The following CDH11 variants were observed in gnomAD, a reference collection of about 807,000 sequenced individuals.
The protein encoded by CDH11 is cadherin-11.
Under a neutral mutation model 67.8 loss-of-function variants are expected in CDH11, and 11 were observed. The observed-to-expected ratio is 0.16, with a 90% CI of 0.10 to 0.27. The LOEUF is 0.27. CDH11 is among the 10% of genes least tolerant of loss of function. The probability of loss-of-function intolerance (pLI) is 1.00; values close to 1 mark genes in which losing one functional copy is unlikely to be tolerated. For missense variants in CDH11, 847 were observed against 1,031.2 expected (o/e 0.82, Z 2.45); for synonymous variants, 419 against 400.0 (o/e 1.05, Z -0.57).
intron 1 of CDH11, 112 bp from the exon 2 acceptor site, chr16:65,054,040 C>A: frequency 5.3e-6 from 2 of 377,238 alleles, no homozygotes; most frequent in South Asian, 2.0e-5. Context: ...AGATGACAAT[C>A]CAGGTGTGCA....
At chr16:64,992,086 C>G in intron 5 of CDH11, 151 bp from the exon 6 acceptor site, 1 of 515,936 alleles carries the variant, frequency 1.9e-6, no homozygotes. Context: ...CAAAGGCAGC[C>G]ATACTGAAGC....
intron 2 of CDH11, among the ~76,000 whole-genome samples, chr16:65,043,024 T>C (rs944885968): frequency 1.3e-5 from 2 of 152,166 alleles, no homozygotes; most frequent in African/African-American, 2.4e-5. Flanking sequence ...TGCTACTCCA[T>C]GTAAATGCTG....
At chr16:65,115,113 T>C (rs752637251) in intron 1 of CDH11, among the ~76,000 whole-genome samples, 114 of 152,150 alleles carry the variant, frequency 7.5e-4, no homozygotes, top group Non-Finnish European at 1.1e-3. Flanking sequence ...CAATATGGCA[T>C]GCTTAGCAAA....
At chr16:64,990,988 G>A (rs925075620) in intron 6 of CDH11, among the ~76,000 whole-genome samples, 1 of 152,096 alleles carries the variant, frequency 6.6e-6, no homozygotes, top group African/African-American at 2.4e-5. Context: ...GACTTTGACA[G>A]GTCTTCCATT....
chr16:65,121,767 C>G lies in CDH11; in HGVS notation c.-298+113G>C. 1 of 697,464 alleles carries G rather than the reference C, an allele frequency of 1.4e-6. No individual in the cohort carries two copies. Among genetic ancestry groups the G allele is most frequent in the Admixed American group, 2.0e-5 (1 of 49,664 alleles). The allele number at this position is 697,464 out of a possible 1,614,324, so 43.2% of individuals were successfully genotyped here. A position where few individuals can be genotyped will look rare whatever the true frequency, so the allele number is the denominator to read the frequency against. ...TGAAGCCTTCTCGACTCAGATACCA[C>G]CGTCCCCCTCACCACCCCGCCCCGC... is the stretch of plus-strand genomic sequence containing the variant. On this transcript the variant is annotated intron_variant, in intron 1 of 12. Transcript: ENST00000268603. This position sits in a 1 kb window ranked among gnomAD's most constrained non-coding sequence, Gnocchi z 4.1.
intron 2 of CDH11, among the ~76,000 whole-genome samples, chr16:65,044,592 C>A (rs574560049): frequency 1.3e-5 from 2 of 151,966 alleles, no homozygotes; most frequent in Admixed American, 6.6e-5. Flanking sequence ...GTCTAGGAGC[C>A]CCTGCTGGAG....
chr16:65,010,285 T>A (rs1208712782), intron 2 of CDH11, among the ~76,000 whole-genome samples: 11 of 152,192 alleles, frequency 7.2e-5, no homozygotes, highest in Admixed American at 7.2e-4. Context: ...CAAACACAGC[T>A]TTGTAACCAA....
chr16:64,946,575 CA>C lies in CDH11; in HGVS notation c.*1027del. ...CCAGGAGGTTAACACCAAGAATGTA[CA>C]AAAAAGCTTTACATGATGTTACAGA... On this transcript the variant is annotated 3_prime_UTR_variant, in exon 13 of 13. Coordinates refer to ENST00000268603, the MANE Select transcript of CDH11 (RefSeq NM_001797.4). 3 of 1,033,618 alleles carry C rather than the reference CA, an allele frequency of 2.9e-6. No individual in the cohort carries two copies. Among genetic ancestry groups the C allele is most frequent in the Non-Finnish European group, 3.5e-6 (3 of 859,214 alleles). 64.0% of individuals were successfully genotyped at this position (1,033,618 alleles called of 1,614,324 possible). A position where few individuals can be genotyped will look rare whatever the true frequency, so the allele number is the denominator to read the frequency against.
intron 1 of CDH11, 84 bp from the exon 2 acceptor site, chr16:65,054,012 A>G (rs2074101507): frequency 2.4e-6 from 1 of 413,506 alleles, no homozygotes; most frequent in Non-Finnish European, 5.0e-6. Flanking sequence ...GTTGCATATG[A>G]CAGACTTTTC....
chr16:65,122,312 C>T (rs569886014), upstream of CDH11: 447 of 307,596 alleles, frequency 1.5e-3, 14 homozygotes, highest in South Asian at 0.012. Context: ...TCGTGGCCGC[C>T]CCTCCCGCCC....
Position 64,946,039 on chromosome 16 carries a change from G to A in CDH11, c.*1564C>T. 1 of 1,058,936 alleles carries A rather than the reference G, an allele frequency of 9.4e-7. No individual in the cohort carries two copies. Among genetic ancestry groups the A allele is most frequent in the East Asian group, 5.2e-5 (1 of 19,300 alleles). The allele number at this position is 1,058,936 out of a possible 1,614,324, so 65.6% of individuals were successfully genotyped here. On this transcript the variant is annotated 3_prime_UTR_variant, in exon 13 of 13. Transcript: ENST00000268603. The stretch of plus-strand genomic sequence containing the variant: ...CAATCCCCAAGAAACTAGCTGGAAT[G>A]CAGGGGACTGTAGACACACTCCTGG...
intron 1 of CDH11, among the ~76,000 whole-genome samples, chr16:65,056,780 C>T (rs2074151196): frequency 6.6e-6 from 1 of 152,080 alleles, no homozygotes; most frequent in African/African-American, 2.4e-5. Flanking sequence ...GTGACTGGGG[C>T]CAGCGTGTTT....
At chr16:65,111,745 T>C (rs929074837) in intron 1 of CDH11, among the ~76,000 whole-genome samples, 3 of 148,672 alleles carry the variant, frequency 2.0e-5, no homozygotes, top group Non-Finnish European at 4.4e-5. Context: ...ATTTTAAGAA[T>C]GGGGAGAGGG....
Position 64,947,488 on chromosome 16 carries a change from CTT to C in CDH11, c.*113_*114del. The C allele has an allele frequency of 6.6e-7, 1 of 1,505,502 alleles. No individual in the cohort carries two copies. The highest frequency in any genetic ancestry group is 1.4e-5 in the South Asian group (1 of 72,062). 93.3% of individuals were successfully genotyped at this position (1,505,502 alleles called of 1,614,324 possible). A position where few individuals can be genotyped will look rare whatever the true frequency, so the allele number is the denominator to read the frequency against. On this transcript the variant is annotated 3_prime_UTR_variant, in exon 13 of 13. Transcript: ENST00000268603. ...TATTAAATGTATCCTCTCTGTAAAACTTTGCCTGTTTTAAATGAGCCTTTCCT... is the reference window on the plus strand; with the variant it reads ...TATTAAATGTATCCTCTCTGTAAAACTGCCTGTTTTAAATGAGCCTTTCCT...
intron 11 of CDH11, among the ~76,000 whole-genome samples, chr16:64,965,562 G>T (rs2071797480): frequency 6.6e-6 from 1 of 151,900 alleles, no homozygotes; most frequent in African/African-American, 2.4e-5. Flanking sequence ...GCCTTCTTCT[G>T]GAATACCTCC....
intron 11 of CDH11, among the ~76,000 whole-genome samples, chr16:64,961,407 A>G (rs528147307): frequency 1.3e-5 from 2 of 152,280 alleles, no homozygotes; most frequent in South Asian, 2.1e-4. Context: ...ATGATCTGAT[A>G]AACCTTCAAT....
chr16:65,099,978 T>C (rs1458812347), intron 1 of CDH11, among the ~76,000 whole-genome samples: 2 of 152,068 alleles, frequency 1.3e-5, no homozygotes, highest in Admixed American at 1.3e-4. Flanking sequence ...TAAGGACGCA[T>C]CTCAGAAGAG....
intron 2 of CDH11, among the ~76,000 whole-genome samples, chr16:65,016,604 G>T (rs1158714487): frequency 6.6e-6 from 1 of 152,110 alleles, no homozygotes; most frequent in African/African-American, 2.4e-5. Flanking sequence ...TCTGGAAAAA[G>T]AATTCTTTAT....
intron 6 of CDH11, among the ~76,000 whole-genome samples, chr16:64,990,742 ATT>A (rs2072609553): frequency 6.6e-6 from 1 of 152,148 alleles, no homozygotes. Context: ...TTTCAAAATC[ATT>A]GTTTTTCATT....
Sources: gnomAD v4.1 joint callset for allele counts (sites outside exome capture counted in the v4.1 genomes callset) on GRCh38, gnomAD v4.1.1 for gene constraint, Gnocchi (gnomAD v3.1) non-coding constraint, MANE v1.5 for transcripts, NCBI Gene and HGNC (gene_info 2026-07-23, HGNC 2026-07-21) for gene names.